Variants in CACNA1A observed in about 807,000 individuals in gnomAD.
CACNA1A encodes the protein voltage-dependent P/Q-type calcium channel subunit alpha-1A.
A neutral mutation model predicts 262.4 loss-of-function variants in CACNA1A; 57 were observed. That is an observed-to-expected ratio of 0.22 (90% CI 0.18 to 0.27). The LOEUF is 0.27. Ranked by LOEUF, CACNA1A falls within the 10% of genes least tolerant of loss-of-function variation. The pLI is 1.00. For missense variants in CACNA1A, 2,526 were observed against 3,562.8 expected (o/e 0.71, Z 7.41); for synonymous variants, 1,431 against 1,419.3 (o/e 1.01, Z -0.18).
At chr19:13,325,339 G>C (rs951434003) in intron 10 of CACNA1A, among the ~76,000 whole-genome samples, 8 of 151,982 alleles carry the variant, frequency 5.3e-5, no homozygotes, top group Admixed American at 3.3e-4. Context: ...TCTCTATCAA[G>C]TATTAGCTGG....
At chr19:13,210,740 T>C in intron 43 of CACNA1A, 88 bp from the exon 44 acceptor site, 1 of 1,311,428 alleles carries the variant, frequency 7.6e-7, no homozygotes, top group Non-Finnish European at 1.1e-6. Flanking sequence ...GAGGAGGTGG[T>C]GCATGGAGAA....
intron 19 of CACNA1A, among the ~76,000 whole-genome samples, chr19:13,291,633 T>TAAAAA (rs3981952): frequency 7.2e-5 from 7 of 97,352 alleles, no homozygotes; most frequent in African/African-American, 2.9e-4. Flanking sequence ...ACCCCATCTC[T>TAAAAA]AAAAAAAAAA....
At chr19:13,227,800 A>G (rs1341022276) in intron 36 of CACNA1A, 1 of 205,378 alleles carries the variant, frequency 4.9e-6, no homozygotes, top group African/African-American at 2.3e-5. Flanking sequence ...GAAAAGAGAA[A>G]AGTCAGATTC....
chr19:13,235,316 C>T (rs2055837757), intron 32 of CACNA1A, 42 bp from the exon 33 acceptor site: 1 of 1,514,982 alleles, frequency 6.6e-7, no homozygotes, highest in Non-Finnish European at 9.0e-7. Flanking sequence ...CTGGGGGTCC[C>T]TCAGCCGCAC....
At chr19:13,306,669 C>T (rs2057910814) in intron 15 of CACNA1A, 3 of 152,408 alleles carry the variant, frequency 2.0e-5, no homozygotes, top group South Asian at 4.1e-4. Flanking sequence ...AAACAATATC[C>T]CAACCAGCCC....
chr19:13,373,263 T>C, intron 3 of CACNA1A, among the ~76,000 whole-genome samples: 1 of 152,168 alleles, frequency 6.6e-6, no homozygotes. Context: ...GCTCAAGCAA[T>C]CCTCCTGCCT....
chr19:13,409,901 T>C (rs1363776707), intron 3 of CACNA1A, among the ~76,000 whole-genome samples: 2 of 152,176 alleles, frequency 1.3e-5, no homozygotes, highest in African/African-American at 4.8e-5. Context: ...AATTAGAACT[T>C]GTTGTTTGCA....
chr19:13,275,837 C>G lies in CACNA1A; in HGVS notation c.3989+13G>C. On this transcript the variant is annotated intron_variant, in intron 24 of 46. Transcript: ENST00000360228. ...GGAAAAGAGGCAAGAGGAACCCTTG[C>G]GAGGAGACTTACGTGAAGGCAAAGG... 1 of 1,571,872 alleles carries G rather than the reference C, an allele frequency of 6.4e-7. No homozygotes were observed. Among genetic ancestry groups the G allele is most frequent in the East Asian group, 2.2e-5 (1 of 44,688 alleles).
At chr19:13,228,499 G>C (rs1010282076) in intron 36 of CACNA1A, 2 of 196,444 alleles carry the variant, frequency 1.0e-5, no homozygotes, top group African/African-American at 4.7e-5. Context: ...GAGGAAATAT[G>C]TTCCATGCTT....
intron 31 of CACNA1A, among the ~76,000 whole-genome samples, chr19:13,240,881 C>T (rs529274969): frequency 2.0e-5 from 3 of 152,342 alleles, no homozygotes; most frequent in Admixed American, 6.5e-5. Flanking sequence ...CAGGAGAGGG[C>T]CTCAGTGGGC....
At chr19:13,264,097 T>A (rs1304735585) in intron 24 of CACNA1A, among the ~76,000 whole-genome samples, 1 of 152,150 alleles carries the variant, frequency 6.6e-6, no homozygotes, top group Non-Finnish European at 1.5e-5. Context: ...GTCCAAGGTC[T>A]GTTGGAACTG....
At chr19:13,410,328 G>A (rs548400696) in intron 3 of CACNA1A, among the ~76,000 whole-genome samples, 4 of 151,702 alleles carry the variant, frequency 2.6e-5, no homozygotes, top group Admixed American at 1.3e-4. Context: ...CCAGGCTCAA[G>A]AGATCCTCTC....
intron 7 of CACNA1A, 78 bp from the exon 8 acceptor site, chr19:13,334,571 GTGTGTGTGTGTGTGTGTGTGTT>G (rs2058527249): frequency 4.6e-6 from 3 of 658,350 alleles, no homozygotes; most frequent in East Asian, 5.6e-5. Context: ...TTGTGTGTGT[GTGTGTGTGTGTGTGTGTGTGTT>G]TGTGTGTGTG....
At chr19:13,390,103 A>C (rs1006570391) in intron 3 of CACNA1A, among the ~76,000 whole-genome samples, 1 of 151,704 alleles carries the variant, frequency 6.6e-6, no homozygotes, top group African/African-American at 2.4e-5. Context: ...GGGAGCCACT[A>C]TGCCCCACCT....
At chr19:13,459,024 G>C (rs4926288) in intron 1 of CACNA1A, among the ~76,000 whole-genome samples, 30,670 of 152,052 alleles carry the variant, frequency 0.2, 4,507 homozygotes, top group African/African-American at 0.39. Context: ...TCCCTGGCCT[G>C]TGTGTGCTAG....
intron 10 of CACNA1A, among the ~76,000 whole-genome samples, chr19:13,327,852 C>T (rs528157709): frequency 6.6e-6 from 1 of 152,252 alleles, no homozygotes; most frequent in East Asian, 1.9e-4. Context: ...GGATTACAGG[C>T]GTGAGCCACC....
In CACNA1A at chr19:13,407,255, C is replaced by T. The variant is rs902908976; in HGVS notation, c.540-35476G>A. 2.6e-5 allele frequency among the ~76,000 whole-genome samples: 4 copies of T among 152,186 alleles called. No individual in the cohort carries two copies. The South Asian group carries it at 8.3e-4, about 31-fold the overall frequency. On this transcript the variant is annotated intron_variant, in intron 3 of 46. Transcript: ENST00000360228. Reference sequence around the variant, plus strand: ...AGAAAGACACAAGAAAGTAAGTTTCCTTTCCACACCTACTTCCAAATCTTT... The same window carrying T: ...AGAAAGACACAAGAAAGTAAGTTTCTTTTCCACACCTACTTCCAAATCTTT...
intron 1 of CACNA1A, among the ~76,000 whole-genome samples, chr19:13,458,965 T>C (rs2061066362): frequency 6.6e-6 from 1 of 152,122 alleles, no homozygotes; most frequent in South Asian, 2.1e-4. Context: ...TAGGGGTGGA[T>C]CATTCTCCTT....
At chr19:13,353,196 C>G (rs1481920049) in intron 6 of CACNA1A, among the ~76,000 whole-genome samples, 1 of 152,000 alleles carries the variant, frequency 6.6e-6, no homozygotes. Context: ...TTATTGCCAC[C>G]TCTGACTCCA....
Sources: gnomAD v4.1 joint callset for allele counts (sites outside exome capture counted in the v4.1 genomes callset) on GRCh38, gnomAD v4.1.1 for gene constraint, MANE v1.5 for transcripts, NCBI Gene and HGNC (gene_info 2026-07-23, HGNC 2026-07-21) for gene names.